PCDHGA12: variants seen among roughly 807,000 people sequenced by gnomAD.
PCDHGA12 encodes the protein protocadherin gamma-A12.
In PCDHGA12, 43 loss-of-function variants were observed where a neutral mutation model predicts 61.1. That is an observed-to-expected ratio of 0.70 (90% CI 0.55 to 0.91). The LOEUF is 0.91. PCDHGA12 is among the 40% of genes least tolerant of loss of function. PCDHGA12 has a pLI of 0.00. For synonymous variants in PCDHGA12, 520 were observed against 542.9 expected, an observed-to-expected ratio of 0.96 and a Z score of 0.59; for missense variants, 1,236 against 1,227.7, an observed-to-expected ratio of 1.01 and a Z score of -0.10.
intron 1 of PCDHGA12, among the ~76,000 whole-genome samples, chr5:141,457,543 A>G (rs555448211): frequency 2.6e-5 from 4 of 152,346 alleles, no homozygotes; most frequent in African/African-American, 9.6e-5. Flanking sequence ...TTAATGACAA[A>G]TGTATGATAA....
At chr5:141,450,506 G>A (rs2098682958) in intron 1 of PCDHGA12, among the ~76,000 whole-genome samples, 2 of 151,914 alleles carry the variant, frequency 1.3e-5, no homozygotes, top group Admixed American at 6.6e-5. Context: ...TTTGTTTTGA[G>A]ATGGAGTCTC....
rs765318875 is a variant in PCDHGA12 at position 141,489,896 on chromosome 5, C to A, written c.2425-4911C>A. On this transcript the variant is annotated intron_variant, in intron 1 of 3. Coordinates refer to ENST00000252085, the MANE Select transcript of PCDHGA12 (RefSeq NM_003735.3). This position sits in a 1 kb window ranked among gnomAD's most constrained non-coding sequence, Gnocchi z 4.5. ...GTGCTTACTGCTGTGGATGGGGGGA[C>A]CCCAGCCCGCTCAGGGACCACCCTT... 5 of 1,614,062 alleles carry A rather than the reference C, an allele frequency of 3.1e-6. No homozygotes were observed.
At chr5:141,464,312 C>T (rs2099081610) in intron 1 of PCDHGA12, among the ~76,000 whole-genome samples, 1 of 149,056 alleles carries the variant, frequency 6.7e-6, no homozygotes, top group South Asian at 2.1e-4. Flanking sequence ...GTGCACATAT[C>T]ATTATCTGTT....
At chr5:141,488,273 C>A (rs1411817846) in intron 1 of PCDHGA12, among the ~76,000 whole-genome samples, 6 of 152,256 alleles carry the variant, frequency 3.9e-5, no homozygotes, top group East Asian at 1.9e-4. Flanking sequence ...TTGGTCATCA[C>A]CTTTGGAAAA....
chr5:141,450,645 C>T (rs2098688869), intron 1 of PCDHGA12, among the ~76,000 whole-genome samples: 2 of 151,618 alleles, frequency 1.3e-5, no homozygotes, highest in Non-Finnish European at 2.9e-5. Context: ...TGCCACCATG[C>T]CTGGCTAATT....
At chr5:141,504,738 C>G (rs2099840693) in intron 2 of PCDHGA12, among the ~76,000 whole-genome samples, 1 of 151,874 alleles carries the variant, frequency 6.6e-6, no homozygotes, top group Non-Finnish European at 1.5e-5. Flanking sequence ...GCTTAGGAAG[C>G]CATTGAATTT....
intron 1 of PCDHGA12, among the ~76,000 whole-genome samples, chr5:141,438,263 A>G (rs2097944986): frequency 6.6e-6 from 1 of 152,144 alleles, no homozygotes; most frequent in South Asian, 2.1e-4. Flanking sequence ...AAGAGACCAT[A>G]GAATCAAACA....
At chr5:141,461,291 C>A (rs892436619) in intron 1 of PCDHGA12, among the ~76,000 whole-genome samples, 1 of 152,128 alleles carries the variant, frequency 6.6e-6, no homozygotes, top group African/African-American at 2.4e-5. Flanking sequence ...CACATCCACA[C>A]CAACATCTAT....
At chr5:141,436,910 TGTGA>T (rs1332506247) in intron 1 of PCDHGA12, among the ~76,000 whole-genome samples, 1 of 152,228 alleles carries the variant, frequency 6.6e-6, no homozygotes, top group Non-Finnish European at 1.5e-5. Flanking sequence ...GAGACAATTT[TGTGA>T]GTGTTACTTT....
chr5:141,465,490 G>A (rs917234604), intron 1 of PCDHGA12, among the ~76,000 whole-genome samples: 9 of 152,170 alleles, frequency 5.9e-5, no homozygotes, highest in East Asian at 1.9e-4. Flanking sequence ...AGGAATGAGC[G>A]GGAGCATTGT....
chr5:141,490,942 C>G lies in PCDHGA12; in HGVS notation c.2425-3865C>G. 1 of 1,613,644 alleles carries G rather than the reference C, an allele frequency of 6.2e-7. No individual in the cohort carries two copies. Among genetic ancestry groups the G allele is most frequent in the Non-Finnish European group, 8.5e-7 (1 of 1,179,760 alleles). On this transcript the variant is annotated intron_variant, in intron 1 of 3. Transcript: ENST00000252085. This position sits in a 1 kb window ranked among gnomAD's most constrained non-coding sequence, Gnocchi z 5.4. ...TAATGCCCCAGCTGTGCTGCACCCA[C>G]GGCCAGACTGGGAACACTCAGCCCC...
At chr5:141,453,351 C>A (rs1210851703) in intron 1 of PCDHGA12, among the ~76,000 whole-genome samples, 2 of 151,738 alleles carry the variant, frequency 1.3e-5, no homozygotes, top group Non-Finnish European at 2.9e-5. Flanking sequence ...CCAGGCTGAC[C>A]CTGAACTCCT....
In PCDHGA12 at chr5:141,490,537, T is replaced by C; in HGVS notation, c.2425-4270T>C. On this transcript the variant is annotated intron_variant, in intron 1 of 3. Transcript: ENST00000252085. This position sits in a 1 kb window ranked among gnomAD's most constrained non-coding sequence, Gnocchi z 5.4. ...GCTGGCCAGCGATGCTGGTTCACCT[T>C]CCCTACACAAACATCTCACCATCAG... is the stretch of plus-strand genomic sequence containing the variant. 1.9e-6 allele frequency: 3 copies of C among 1,614,180 alleles called. No homozygotes were observed. The highest frequency in any genetic ancestry group is 8.5e-7 in the Non-Finnish European group (1 of 1,180,028).
Position 141,485,200 on chromosome 5 carries a change from A to C in PCDHGA12, c.2425-9607A>C. 1 of 1,614,116 alleles carries C rather than the reference A, an allele frequency of 6.2e-7. No homozygotes were observed. The highest frequency in any genetic ancestry group is 2.2e-5 in the East Asian group (1 of 44,872). ...TGCTCCGCAAGGTGAGAAGCTGGAC[A>C]GAAATCTGGCGGTGGGCTACCCTTT... On this transcript the variant is annotated intron_variant, in intron 1 of 3. Coordinates refer to ENST00000252085, the MANE Select transcript of PCDHGA12 (RefSeq NM_003735.3). This position sits in a 1 kb window ranked among gnomAD's most constrained non-coding sequence, Gnocchi z 5.7.
chr5:141,454,356 T>G (rs1461475653), intron 1 of PCDHGA12, among the ~76,000 whole-genome samples: 1 of 152,224 alleles, frequency 6.6e-6, no homozygotes, highest in East Asian at 1.9e-4. Context: ...TGATCCAAAC[T>G]TAGAAAGGAG....
intron 1 of PCDHGA12, among the ~76,000 whole-genome samples, chr5:141,444,152 ATTTTTTTTTTTTTTTTTT>A (rs747671382): frequency 4.1e-4 from 14 of 33,898 alleles, no homozygotes; most frequent in South Asian, 2.1e-3. Flanking sequence ...TGTGTACTGG[ATTTTTTTTTTTTTTTTTT>A]TTTTTTTTTT....
At chr5:141,454,047 T>C (rs896373946) in intron 1 of PCDHGA12, among the ~76,000 whole-genome samples, 6 of 152,122 alleles carry the variant, frequency 3.9e-5, no homozygotes, top group African/African-American at 7.2e-5. Flanking sequence ...AAGATAAAAG[T>C]GCAGCAAAGA....
chr5:141,511,010 A>G lies in PCDHGA12; in HGVS notation c.2636A>G (p.Tyr879Cys), dbSNP rs1286219897. 6.2e-6 allele frequency: 10 copies of G among 1,614,054 alleles called. No homozygotes were observed. Among genetic ancestry groups the G allele is most frequent in the African/African-American group, 1.3e-5 (1 of 74,916 alleles). Residue 879 changes from tyrosine to cysteine, a missense_variant, in exon 4 of 4, where the codon TAC becomes TGC. By Grantham distance (194) the Tyr-to-Cys change is radical (BLOSUM62 -2). Coordinates refer to ENST00000252085, the MANE Select transcript of PCDHGA12 (RefSeq NM_003735.3). ...GGCACCATGGGATTGAGCGCCCGCT[A>G]CGGACCCCAGTTCACCCTGCAGCAC... Reference protein sequence around the residue: ...GAGTMGLSARYGPQFTLQHVP... With the variant: ...GAGTMGLSARCGPQFTLQHVP...
rs746408347 is a variant in PCDHGA12 at position 141,486,293 on chromosome 5, G to A, written c.2425-8514G>A. ...TGGCACTGTGGTGGCACTTATCAGT[G>A]TGCAGGATCCAGACTCAGGGTCAAA... On this transcript the variant is annotated intron_variant, in intron 1 of 3. Transcript: ENST00000252085. This position sits in a 1 kb window ranked among gnomAD's most constrained non-coding sequence, Gnocchi z 5.0. The A allele has an allele frequency of 3.1e-6, 5 of 1,614,018 alleles. No homozygotes were observed. In the Admixed American group the frequency reaches 8.3e-5, roughly 27 times the overall value.
Sources: gnomAD v4.1 joint callset for allele counts (sites outside exome capture counted in the v4.1 genomes callset) on GRCh38, gnomAD v4.1.1 for gene constraint, Gnocchi (gnomAD v3.1) non-coding constraint, MANE v1.5 for transcripts, NCBI Gene and HGNC (gene_info 2026-07-23, HGNC 2026-07-21) for gene names.